Variants in TENM1 observed in about 807,000 individuals in gnomAD.
TENM1 encodes the protein teneurin transmembrane protein 1.
Under a neutral mutation model 174.8 loss-of-function variants are expected in TENM1, and 35 were observed. The observed-to-expected ratio is 0.20, with a 90% confidence interval of 0.15 to 0.27. The LOEUF (loss-of-function observed/expected upper bound fraction) is 0.27, where lower values mean the gene tolerates loss of function less well. Ranked by LOEUF, TENM1 falls within the 10% of genes least tolerant of loss-of-function variation. The pLI is 1.00. For missense variants in TENM1, 1,633 were observed against 2,130.1 expected (o/e 0.77, Z 4.59); for synonymous variants, 781 against 798.7 (o/e 0.98, Z 0.37).
chrX:124,582,778 T>G (rs964178008), intron 11 of TENM1, among the ~76,000 whole-genome samples: 4 of 112,003 alleles, frequency 3.6e-5, no homozygotes, highest in Non-Finnish European at 7.5e-5. Flanking sequence ...TTCCCTTTCC[T>G]AGTCAAAGAA....
chrX:124,577,505 T>A (rs2858416), intron 11 of TENM1, among the ~76,000 whole-genome samples: 2 of 110,722 alleles, frequency 1.8e-5, no homozygotes, highest in African/African-American at 6.6e-5. Context: ...ATTTAAGACA[T>A]TTAGTTTTAA....
chrX:124,414,467 A>G (rs1266802686), intron 25 of TENM1, among the ~76,000 whole-genome samples: 5 of 110,412 alleles, frequency 4.5e-5, no homozygotes, highest in Non-Finnish European at 1.9e-5. Context: ...CGGGGTTATT[A>G]CAATTAGGAG....
chrX:124,612,785 CTATCTA>C lies in TENM1; in HGVS notation c.2077+29000_2077+29005del, dbSNP rs2050308468. On this transcript the variant is annotated intron_variant, in intron 11 of 31. Coordinates refer to ENST00000422452, the Ensembl canonical transcript of TENM1. ...TCCTCCTTTTCTCCCAACTATCTATCTATCTATATCATCTATCTATCATTGATCATC... is the reference window on the plus strand; with the variant it reads ...TCCTCCTTTTCTCCCAACTATCTATCTATCATCTATCTATCATTGATCATC... Among the ~76,000 whole-genome samples, 3 of 110,884 alleles carry C rather than the reference CTATCTA, an allele frequency of 2.7e-5. No individual in the cohort carries two copies. In the Admixed American group the frequency reaches 2.9e-4, roughly 11 times the overall value.
intron 4 of TENM1, among the ~76,000 whole-genome samples, chrX:124,707,423 A>C (rs113559409): frequency 8.9e-6 from 1 of 111,810 alleles, no homozygotes; most frequent in Non-Finnish European, 1.9e-5. Context: ...CAGGAGAATA[A>C]AAAAATTCCA....
intron 11 of TENM1, among the ~76,000 whole-genome samples, chrX:124,623,412 CTGTA>C (rs1357567095): frequency 1.8e-5 from 2 of 111,562 alleles, no homozygotes; most frequent in Non-Finnish European, 3.8e-5. Flanking sequence ...GTGTGTTTGA[CTGTA>C]TGAATATGCA....
At chrX:124,522,254 C>T (rs1016485839) in intron 17 of TENM1, among the ~76,000 whole-genome samples, 1 of 111,189 alleles carries the variant, frequency 9.0e-6, no homozygotes, top group African/African-American at 3.3e-5. Flanking sequence ...ATTCTCTAGG[C>T]ACTGCTAAGA....
the TENM1 span, among the ~76,000 whole-genome samples, chrX:125,007,180 T>C: frequency 9.0e-6 from 1 of 111,295 alleles, no homozygotes; most frequent in African/African-American, 3.3e-5. Flanking sequence ...GAGAGGAATA[T>C]AAATGACCTG....
At chrX:124,965,699 T>A (rs1016161455), upstream of TENM1, among the ~76,000 whole-genome samples, 1 of 110,824 alleles carries the variant, frequency 9.0e-6, no homozygotes, top group Non-Finnish European at 1.9e-5. Flanking sequence ...CATATACATA[T>A]ATATATATAT....
Position 124,391,343 on chromosome X carries a change from G to A in TENM1, c.5688+709C>T, listed in dbSNP as rs1316531821. Among the ~76,000 whole-genome samples the A allele has an allele frequency of 6.3e-5, 7 of 111,924 alleles. No individual in the cohort carries two copies. The Admixed American group carries it at 6.6e-4, about 11-fold the overall frequency. On this transcript the variant is annotated intron_variant, in intron 28 of 31. Transcript: ENST00000422452. Reference sequence around the variant, plus strand: ...TTGGGAAACAAGAGGCACTATCTTAGGAGATTAGACATTGAGATAGAGATC... The same window carrying A: ...TTGGGAAACAAGAGGCACTATCTTAAGAGATTAGACATTGAGATAGAGATC...
chrX:124,716,822 C>T (rs1376385874), intron 4 of TENM1, among the ~76,000 whole-genome samples: 1 of 111,452 alleles, frequency 9.0e-6, no homozygotes, highest in African/African-American at 3.3e-5. Flanking sequence ...ACACACTGTG[C>T]GTGCTCAATT....
At chrX:125,198,820 C>G in the TENM1 span, among the ~76,000 whole-genome samples, 1 of 109,909 alleles carries the variant, frequency 9.1e-6, no homozygotes, top group Non-Finnish European at 1.9e-5. Context: ...GCCACTGTAT[C>G]AAGCCCCTTA....
At chrX:124,462,154 T>C (rs1466831291) in intron 22 of TENM1, among the ~76,000 whole-genome samples, 1 of 110,325 alleles carries the variant, frequency 9.1e-6, no homozygotes, top group African/African-American at 3.3e-5. Flanking sequence ...GCAGAAGTAA[T>C]GGATGCGACT....
At chrX:124,581,698 T>C (rs1243151125) in intron 11 of TENM1, among the ~76,000 whole-genome samples, 2 of 101,742 alleles carry the variant, frequency 2.0e-5, no homozygotes, top group Admixed American at 1.1e-4. Context: ...CTCACTAGCA[T>C]CTGTTATTTT....
intron 18 of TENM1, among the ~76,000 whole-genome samples, chrX:124,511,566 C>T (rs1602570337): frequency 9.0e-6 from 1 of 111,458 alleles, no homozygotes; most frequent in East Asian, 2.8e-4. Context: ...GTTACTTTTT[C>T]TTTCTGACCC....
intron 5 of TENM1, among the ~76,000 whole-genome samples, chrX:124,688,254 C>T (rs1313858973): frequency 9.3e-6 from 1 of 107,149 alleles, no homozygotes; most frequent in African/African-American, 3.4e-5. Flanking sequence ...CTTTCCCTTC[C>T]TTTCCCTTCC....
At chrX:125,105,070 T>C in the TENM1 span, among the ~76,000 whole-genome samples, 2 of 112,263 alleles carry the variant, frequency 1.8e-5, no homozygotes, top group African/African-American at 6.5e-5. Flanking sequence ...ATTTTTAACA[T>C]AGAATTAAAC....
intron 3 of TENM1, among the ~76,000 whole-genome samples, chrX:124,812,886 C>CT (rs748114768): frequency 9.0e-6 from 1 of 110,727 alleles, no homozygotes; most frequent in East Asian, 2.8e-4. Context: ...AAAAATAGAA[C>CT]TTTTTTTTCT....
chrX:125,163,080 G>A, the TENM1 span, among the ~76,000 whole-genome samples: 1 of 111,581 alleles, frequency 9.0e-6, no homozygotes, highest in Non-Finnish European at 1.9e-5. Flanking sequence ...CTCCTGGGCT[G>A]TGCCAACAGC....
the TENM1 span, among the ~76,000 whole-genome samples, chrX:125,160,708 T>C: frequency 2.3e-4 from 25 of 109,939 alleles, no homozygotes; most frequent in African/African-American, 6.9e-4. Flanking sequence ...CACTTATCTA[T>C]ATGCTTCAAG....
Sources: allele counts gnomAD v4.1 joint callset (sites outside exome capture counted in the v4.1 genomes callset), GRCh38; gene constraint gnomAD v4.1.1; transcripts MANE v1.5; gene names NCBI Gene and HGNC (gene_info 2026-07-23, HGNC 2026-07-21).